Variants in ZC3H12D observed in about 807,000 individuals in gnomAD.
ZC3H12D encodes the protein zinc finger CCCH-type containing 12D.
A neutral mutation model predicts 24.2 loss-of-function variants in ZC3H12D; 11 were observed. The observed-to-expected ratio is 0.46, with a 90% CI of 0.29 to 0.75. ZC3H12D has a LOEUF of 0.75. ZC3H12D is among the 30% of genes least tolerant of loss of function. The pLI is 0.11. For missense variants in ZC3H12D, 740 were observed against 767.7 expected, an observed-to-expected ratio of 0.96 and a Z score of 0.43; for synonymous variants, 333 against 341.8, an observed-to-expected ratio of 0.97 and a Z score of 0.28.
Position 149,449,558 on chromosome 6 carries a change from C to CT in ZC3H12D, c.*1124dup. The CT allele has an allele frequency of 6.6e-6, 1 of 152,408 alleles. No homozygotes were observed. The highest frequency in any genetic ancestry group is 1.5e-5 in the Non-Finnish European group (1 of 68,182). The allele number at this position is 152,408 out of a possible 1,614,324, so 9.4% of individuals were successfully genotyped here. On this transcript the variant is annotated 3_prime_UTR_variant, in exon 6 of 6. Coordinates refer to ENST00000409806, the MANE Select transcript of ZC3H12D (RefSeq NM_207360.3). ...GTTCAAGTGATTCTCCTGCCTCAGC[C>CT]TCCTGAGTAGCTGGGACTACAGGTG...
chr6:149,456,616 G>GCCCCCCCCCCCCCCCC lies in ZC3H12D; in HGVS notation c.680+49_680+50insGGGGGGGGGGGGGGGG. The GCCCCCCCCCCCCCCCC allele has an allele frequency of 2.6e-5, 29 of 1,130,386 alleles. No homozygotes were observed. The highest frequency in any genetic ancestry group is 3.4e-5 in the Non-Finnish European group (26 of 763,246). 70.0% of individuals were successfully genotyped at this position (1,130,386 alleles called of 1,614,324 possible). ...AGGCGTGGCCACTGCCTCGACCCCG[G>GCCCCCCCCCCCCCCCC]CCCCCCGCCCCGCCGCCCCCCAGGG... On this transcript the variant is annotated intron_variant, in intron 4 of 5. Transcript: ENST00000409806. The surrounding 1 kb of genome is among the most constrained non-coding windows in gnomAD (Gnocchi z 4.3).
chr6:149,465,224 C>T (rs561312751), intron 2 of ZC3H12D, among the ~76,000 whole-genome samples: 68 of 152,034 alleles, frequency 4.5e-4, no homozygotes, highest in African/African-American at 1.3e-3. Context: ...TGTGGTGGCA[C>T]GTGCCTGTAA....
At chr6:149,457,511 G>A (rs1300393577) in intron 3 of ZC3H12D, among the ~76,000 whole-genome samples, 1 of 152,114 alleles carries the variant, frequency 6.6e-6, no homozygotes, top group African/African-American at 2.4e-5. Context: ...AGTCTGGGCC[G>A]GGCTCCAGTT....
Position 149,451,451 on chromosome 6 carries a change from G to A in ZC3H12D, c.816C>T (p.Cys272=). 6.3e-7 allele frequency: 1 copy of A among 1,576,498 alleles called. No homozygotes were observed. Among genetic ancestry groups the A allele is most frequent in the Non-Finnish European group, 8.5e-7 (1 of 1,170,926 alleles). The change falls in exon 6 of 6, where the codon TGC becomes TGT. Residue 272 remains cysteine, a synonymous_variant. Coordinates refer to ENST00000409806, the MANE Select transcript of ZC3H12D (RefSeq NM_207360.3). ...YGKKCTYGIK[C]KFYHPERPHH... ...GCGGCCTCTCCGGGTGGTAGAACTTGCACTTGATGCCATAGGTGCATTTCT... is the reference window on the plus strand; with the variant it reads ...GCGGCCTCTCCGGGTGGTAGAACTTACACTTGATGCCATAGGTGCATTTCT...
In ZC3H12D at chr6:149,451,260, G is replaced by A; in HGVS notation, c.1007C>T (p.Ser336Phe). 1.5e-6 allele frequency: 2 copies of A among 1,300,224 alleles called. No homozygotes were observed. The highest frequency in any genetic ancestry group is 8.4e-5 in the Admixed American group (2 of 23,806). 80.5% of individuals were successfully genotyped at this position (1,300,224 alleles called of 1,614,324 possible). A position where few individuals can be genotyped will look rare whatever the true frequency, so the allele number is the denominator to read the frequency against. Residue 336 changes from serine to phenylalanine, a missense_variant, in exon 6 of 6, where the codon TCC becomes TTC. Ser to Phe is a radical substitution (Grantham distance 155, BLOSUM62 -2). Coordinates refer to ENST00000409806, the MANE Select transcript of ZC3H12D (RefSeq NM_207360.3). ...CCCTCGCAGGGCGGCCAGGTCCGGG[G>A]ACCCCCGCGCCGGCGGGAGGCTGTG... ...FAHSLPPARG[S>F]PDLAALRGSF...
chr6:149,460,679 A>T (rs1776058056), intron 3 of ZC3H12D, among the ~76,000 whole-genome samples: 1 of 152,090 alleles, frequency 6.6e-6, no homozygotes, highest in Non-Finnish European at 1.5e-5. Flanking sequence ...AAAATACAAA[A>T]ATTAGCTGGG....
At chr6:149,482,627 CA>C (rs1776444089) in intron 1 of ZC3H12D, among the ~76,000 whole-genome samples, 1 of 152,116 alleles carries the variant, frequency 6.6e-6, no homozygotes, top group South Asian at 2.1e-4. Context: ...TAGAATCAGC[CA>C]ATACAGGGGA....
intron 2 of ZC3H12D, among the ~76,000 whole-genome samples, chr6:149,472,872 T>C (rs1304845252): frequency 6.6e-6 from 1 of 152,108 alleles, no homozygotes; most frequent in Non-Finnish European, 1.5e-5. Context: ...GCTCAGATCA[T>C]ATAGAGGCCA....
At chr6:149,474,725 G>A (rs776501784) in intron 1 of ZC3H12D, 112 bp from the exon 2 acceptor site, 160 of 475,972 alleles carry the variant, frequency 3.4e-4, no homozygotes, top group Non-Finnish European at 4.4e-4. Flanking sequence ...ATCAGGTGGA[G>A]CCCAGTCCCA....
intron 3 of ZC3H12D, chr6:149,461,585 T>TCATCTA (rs1465762138): frequency 1.7e-5 from 5 of 300,204 alleles, no homozygotes; most frequent in Non-Finnish European, 3.1e-5. Flanking sequence ...ATTCATCTAC[T>TCATCTA]CAACAACTGC....
At position 149,462,007 on chromosome 6, in the gene ZC3H12D, C is replaced by A. The variant is rs949004546; in HGVS notation, c.306-37G>T. On this transcript the variant is annotated intron_variant, in intron 2 of 5. Coordinates refer to ENST00000409806, the MANE Select transcript of ZC3H12D (RefSeq NM_207360.3). ...AAACAAAGAAATCATAGAGACACAG[C>A]AAGTGTTCCTAAGAGTGATTTCCCT... The A allele has an allele frequency of 1.9e-6, 3 of 1,593,168 alleles. No individual in the cohort carries two copies. The African/African-American group carries it at 4.0e-5, about 21-fold the overall frequency.
At chr6:149,455,301 A>T (rs1030169118) in intron 4 of ZC3H12D, among the ~76,000 whole-genome samples, 1 of 152,094 alleles carries the variant, frequency 6.6e-6, no homozygotes, top group Non-Finnish European at 1.5e-5. Context: ...TCATTCCTTT[A>T]CAACTAGTTA....
rs1775871820 is a variant in ZC3H12D at position 149,450,524 on chromosome 6, C to T, written c.*159G>A. 1.2e-6 allele frequency: 1 copy of T among 805,220 alleles called. No individual in the cohort carries two copies. The highest frequency in any genetic ancestry group is 1.8e-6 in the Non-Finnish European group (1 of 540,578). 49.9% of individuals were successfully genotyped at this position (805,220 alleles called of 1,614,324 possible). A position where few individuals can be genotyped will look rare whatever the true frequency, so the allele number is the denominator to read the frequency against. On this transcript the variant is annotated 3_prime_UTR_variant, in exon 6 of 6. Transcript: ENST00000409806. ...ATCACCAAGTGCCACCAGGCCCCCA[C>T]AACCCCGCTCAGGAGGAGGAAGCAG...
At chr6:149,471,373 G>A (rs567176010) in intron 2 of ZC3H12D, among the ~76,000 whole-genome samples, 4 of 152,344 alleles carry the variant, frequency 2.6e-5, no homozygotes, top group African/African-American at 9.6e-5. Flanking sequence ...GTCCTTTCCT[G>A]TGTAACTGAG....
At chr6:149,459,546 G>A (rs1251118281) in intron 3 of ZC3H12D, 7 of 716,688 alleles carry the variant, frequency 9.8e-6, no homozygotes, top group Non-Finnish European at 1.8e-5. Context: ...TTGCCCTGCA[G>A]TCTTGGAGCA....
In ZC3H12D at chr6:149,452,795, G is replaced by A; in HGVS notation, c.681-73C>T. The stretch of plus-strand genomic sequence containing the variant: ...ACCAGCACCTGTACAAAGGGAGCAG[G>A]CCCAAGTTCCCCAAGAACACCAGGA... On this transcript the variant is annotated intron_variant, in intron 4 of 5. Coordinates refer to ENST00000409806, the MANE Select transcript of ZC3H12D (RefSeq NM_207360.3). The surrounding 1 kb of genome is among the most constrained non-coding windows in gnomAD (Gnocchi z 4.0). The A allele has an allele frequency of 7.4e-7, 1 of 1,356,790 alleles. No individual in the cohort carries two copies. The highest frequency in any genetic ancestry group is 1.0e-6 in the Non-Finnish European group (1 of 985,522). The allele number at this position is 1,356,790 out of a possible 1,614,324, so 84.0% of individuals were successfully genotyped here.
chr6:149,462,955 T>C (rs367812), intron 2 of ZC3H12D, among the ~76,000 whole-genome samples: 55,340 of 152,010 alleles, frequency 0.36, 10,595 homozygotes, highest in African/African-American at 0.46. Context: ...TTGCAGATGG[T>C]CTATTATGGG....
chr6:149,464,453 C>T (rs1301038799), intron 2 of ZC3H12D, among the ~76,000 whole-genome samples: 1 of 152,160 alleles, frequency 6.6e-6, no homozygotes, highest in Non-Finnish European at 1.5e-5. Context: ...CCTCTTCCGC[C>T]TTCAGATCCC....
At chr6:149,462,013 T>C (rs1279834944) in intron 2 of ZC3H12D, 43 bp from the exon 3 acceptor site, 1 of 1,583,206 alleles carries the variant, frequency 6.3e-7, no homozygotes, top group Non-Finnish European at 8.6e-7. Context: ...ACAGCAAGTG[T>C]TCCTAAGAGT....
Sources: allele counts gnomAD v4.1 joint callset (sites outside exome capture counted in the v4.1 genomes callset), GRCh38; gene constraint gnomAD v4.1.1; non-coding constraint Gnocchi (gnomAD v3.1); transcripts MANE v1.5; gene names NCBI Gene and HGNC (gene_info 2026-07-23, HGNC 2026-07-21).